Variants in UTRN observed in about 807,000 individuals in gnomAD.
UTRN encodes the protein dystrophin-related protein 1.
A neutral mutation model predicts 463.9 loss-of-function variants in UTRN; 283 were observed. That is an observed-to-expected ratio of 0.61 (90% CI 0.55 to 0.67). The LOEUF (loss-of-function observed/expected upper bound fraction) is 0.67, where lower values mean the gene tolerates loss of function less well. UTRN is among the 30% of genes least tolerant of loss of function. The probability of loss-of-function intolerance (pLI) is 0.00; values close to 1 mark genes in which losing one functional copy is unlikely to be tolerated. For synonymous variants in UTRN, 1,442 were observed against 1,431.5 expected (o/e 1.01, Z -0.17); for missense variants, 3,922 against 4,084.3 (o/e 0.96, Z 1.08).
In UTRN at chr6:144,772,016, GTTTTTTTTTTTTTTTTTT is replaced by G. The variant is rs748399313; in HGVS notation, c.8557+68_8557+85del. 1.0e-3 allele frequency: 131 copies of G among 127,564 alleles called. 1 individual carries two copies. Among genetic ancestry groups the G allele is most frequent in the Middle Eastern group, 4.4e-3 (2 of 456 alleles). 7.9% of individuals were successfully genotyped at this position (127,564 alleles called of 1,614,324 possible). On this transcript the variant is annotated intron_variant, in intron 59 of 74. Transcript: ENST00000367545. ...AATTAACCTAAACAACTGAGAACCGGTTTTTTTTTTTTTTTTTTTTTTTTTTTTTTTTTTTTTAAGGTG... is the reference window on the plus strand; with the variant it reads ...AATTAACCTAAACAACTGAGAACCGGTTTTTTTTTTTTTTTTTTTAAGGTG...
intron 2 of UTRN, among the ~76,000 whole-genome samples, chr6:144,368,256 C>T (rs1034879765): frequency 6.6e-6 from 1 of 152,074 alleles, no homozygotes; most frequent in Non-Finnish European, 1.5e-5. Context: ...GTTTCTTTAT[C>T]CTGCAGTGTG....
chr6:144,820,078 T>C (rs1002308767), intron 65 of UTRN, among the ~76,000 whole-genome samples: 2 of 151,674 alleles, frequency 1.3e-5, no homozygotes, highest in African/African-American at 4.9e-5. Flanking sequence ...ACAGTTGATA[T>C]CTGTATTGTA....
chr6:144,448,940 C>T (rs1787971458), intron 17 of UTRN, among the ~76,000 whole-genome samples, 171 bp downstream of exon 17: 2 of 152,148 alleles, frequency 1.3e-5, no homozygotes, highest in African/African-American at 4.8e-5. Context: ...TCTGAATATT[C>T]TACTTGGCAC....
At chr6:144,848,108 A>G (rs940157647) in intron 74 of UTRN, among the ~76,000 whole-genome samples, 3 of 152,064 alleles carry the variant, frequency 2.0e-5, no homozygotes, top group African/African-American at 7.2e-5. Flanking sequence ...TCTGTTGTCT[A>G]AGTGAATTGG....
At chr6:144,584,300 T>C (rs1019866138) in intron 51 of UTRN, among the ~76,000 whole-genome samples, 1 of 152,196 alleles carries the variant, frequency 6.6e-6, no homozygotes, top group Non-Finnish European at 1.5e-5. Context: ...GATCATAGTT[T>C]TGTTTTATTC....
intron 2 of UTRN, among the ~76,000 whole-genome samples, chr6:144,318,638 A>T (rs568487964): frequency 6.6e-6 from 1 of 151,994 alleles, no homozygotes; most frequent in Non-Finnish European, 1.5e-5. Context: ...TAATTTTTGT[A>T]TTTTTAGTAG....
chr6:144,709,424 A>G (rs1210454873), intron 53 of UTRN, among the ~76,000 whole-genome samples: 1 of 152,148 alleles, frequency 6.6e-6, no homozygotes, highest in East Asian at 1.9e-4. Flanking sequence ...AAGTTTAAAA[A>G]TCTTTTTAGC....
rs2282324 is a variant in UTRN, at chr6:144,850,151, A to C, written c.10294-838A>C. On this transcript the variant is annotated intron_variant, in intron 74 of 74. Coordinates refer to ENST00000367545, the MANE Select transcript of UTRN (RefSeq NM_007124.3). ...GTGTCTGAAGAATCCAAATTTGAATAGTCATGGAGAATGGGCTCTAGGCCA... is the reference window on the plus strand; with the variant it reads ...GTGTCTGAAGAATCCAAATTTGAATCGTCATGGAGAATGGGCTCTAGGCCA... Among the ~76,000 whole-genome samples, 682 of 152,322 alleles carry C rather than the reference A, an allele frequency of 4.5e-3. 19 individuals carry two copies. The East Asian group carries it at 0.066, about 15-fold the overall frequency.
At chr6:144,610,773 GC>G (rs772896743) in intron 51 of UTRN, among the ~76,000 whole-genome samples, 13 of 152,178 alleles carry the variant, frequency 8.5e-5, no homozygotes, top group Non-Finnish European at 8.8e-5. Context: ...TACTTGAGAG[GC>G]TGAAGCAGGA....
intron 2 of UTRN, among the ~76,000 whole-genome samples, chr6:144,333,490 C>G (rs1776486992): frequency 6.6e-6 from 1 of 152,154 alleles, no homozygotes; most frequent in Non-Finnish European, 1.5e-5. Context: ...CATACAGCAA[C>G]ACTTATCTTG....
chr6:144,644,430 A>G (rs1778085819), intron 51 of UTRN, among the ~76,000 whole-genome samples: 1 of 152,168 alleles, frequency 6.6e-6, no homozygotes, highest in African/African-American at 2.4e-5. Context: ...GTGAAAATAA[A>G]TATTTTATTA....
chr6:144,742,749 T>C (rs1790249422), intron 54 of UTRN, among the ~76,000 whole-genome samples: 1 of 152,226 alleles, frequency 6.6e-6, no homozygotes, highest in Non-Finnish European at 1.5e-5. Context: ...TCTAGGATTA[T>C]GTAACTAGTT....
intron 2 of UTRN, among the ~76,000 whole-genome samples, chr6:144,348,960 G>T (rs1197446809): frequency 6.6e-6 from 1 of 151,854 alleles, no homozygotes; most frequent in Non-Finnish European, 1.5e-5. Context: ...CAAAAGAAAA[G>T]AATCTTGGGT....
At chr6:144,619,317 TC>T (rs1449218874) in intron 51 of UTRN, among the ~76,000 whole-genome samples, 2 of 152,182 alleles carry the variant, frequency 1.3e-5, no homozygotes, top group Non-Finnish European at 2.9e-5. Context: ...TTTTATGCCA[TC>T]AGGATTATTT....
At chr6:144,837,403 ATAG>A (rs952235749) in intron 71 of UTRN, among the ~76,000 whole-genome samples, 33 of 152,342 alleles carry the variant, frequency 2.2e-4, no homozygotes, top group African/African-American at 7.5e-4. Context: ...TTGATGGCAC[ATAG>A]TAGTTAGGAA....
intron 51 of UTRN, among the ~76,000 whole-genome samples, chr6:144,597,162 T>C (rs6924812): frequency 0.16 from 24,131 of 150,006 alleles, 2,116 homozygotes; most frequent in South Asian, 0.28. Flanking sequence ...TGCTTGAACC[T>C]GGGAGGCGAA....
chr6:144,370,703 G>A (rs1295952234), intron 2 of UTRN, among the ~76,000 whole-genome samples: 1 of 152,152 alleles, frequency 6.6e-6, no homozygotes, highest in Non-Finnish European at 1.5e-5. Flanking sequence ...CACAGACAAT[G>A]CCAGCCCGTG....
chr6:144,836,282 C>G lies in UTRN; in HGVS notation c.9825-19C>G. The G allele has an allele frequency of 6.2e-7, 1 of 1,613,770 alleles. No homozygotes were observed. Among genetic ancestry groups the G allele is most frequent in the Non-Finnish European group, 8.5e-7 (1 of 1,179,766 alleles). On this transcript the variant is annotated intron_variant, in intron 70 of 74. Transcript: ENST00000367545. Reference sequence around the variant, plus strand: ...AATGCACGTGGTAGTCATTCTGTTTCTCCCTCTTTCTGTATTAGAAATCTA... The same window carrying G: ...AATGCACGTGGTAGTCATTCTGTTTGTCCCTCTTTCTGTATTAGAAATCTA...
rs1023345664 is a variant in UTRN, at chr6:144,447,747, C to A, written c.1868C>A (p.Ser623Tyr). 1 of 1,613,750 alleles carries A rather than the reference C, an allele frequency of 6.2e-7. No homozygotes were observed. Among genetic ancestry groups the A allele is most frequent in the Non-Finnish European group, 8.5e-7 (1 of 1,179,832 alleles). ...DSEELTQRWD[S>Y]LVQRLEDSSN... ...GAGGAACTGACTCAAAGATGGGATT[C>A]TTTGGTTCAGAGACTAGAAGATTCC... Residue 623 changes from serine to tyrosine, a missense_variant, in exon 16 of 75, where the codon TCT (serine) becomes TAT (tyrosine). Coordinates refer to ENST00000367545, the MANE Select transcript of UTRN (RefSeq NM_007124.3).
Sources: allele counts gnomAD v4.1 joint callset (sites outside exome capture counted in the v4.1 genomes callset), GRCh38; gene constraint gnomAD v4.1.1; transcripts MANE v1.5; gene names NCBI Gene and HGNC (gene_info 2026-07-23, HGNC 2026-07-21).